The following WNT9A variants were observed in gnomAD, a reference collection of about 807,000 sequenced individuals.
WNT9A encodes Wnt family member 9A.
WNT9A carries 8 observed loss-of-function variants against 31.4 expected under a neutral mutation model. The ratio of observed to expected loss-of-function variants is 0.26; its 90% confidence interval spans 0.15 to 0.46. The LOEUF is 0.46. Ranked by LOEUF, WNT9A falls within the 20% of genes least tolerant of loss-of-function variation. The pLI is 0.99. For missense variants in WNT9A, 457 were observed against 522.9 expected (o/e 0.87, Z 1.23); for synonymous variants, 236 against 220.1 (o/e 1.07, Z -0.64).
chr1:227,947,743 G>GCCCCGCCGCCCCCGCCGC, intron 1 of WNT9A, 50 bp downstream of exon 1: 1 of 1,020,724 alleles, frequency 9.8e-7, no homozygotes, highest in South Asian at 4.5e-5. Context: ...CCCCGCCCCG[G>GCCCCGCCGCCCCCGCCGC]CCCCGCCGCC....
At chr1:227,946,588 C>A (rs1236314614) in intron 1 of WNT9A, among the ~76,000 whole-genome samples, 1 of 152,204 alleles carries the variant, frequency 6.6e-6, no homozygotes, top group Non-Finnish European at 1.5e-5. Flanking sequence ...ACTGAGACAC[C>A]GGGCTGACCC....
intron 1 of WNT9A, among the ~76,000 whole-genome samples, chr1:227,946,483 G>A (rs934135426): frequency 9.2e-5 from 14 of 152,216 alleles, no homozygotes; most frequent in African/African-American, 2.2e-4. Context: ...GAGGCTACGG[G>A]TTGCACAGAT....
At chr1:227,937,845 A>G (rs1171806587) in intron 1 of WNT9A, among the ~76,000 whole-genome samples, 1 of 152,232 alleles carries the variant, frequency 6.6e-6, no homozygotes. Context: ...AGCAGCACAG[A>G]TTTTGGAAAG....
At chr1:227,937,021 C>G (rs1444834538) in intron 1 of WNT9A, among the ~76,000 whole-genome samples, 1 of 152,202 alleles carries the variant, frequency 6.6e-6, no homozygotes, top group South Asian at 2.1e-4. Flanking sequence ...GACATCTTGC[C>G]GCCTCTCTGG....
chr1:227,946,410 CT>C (rs1191848024), intron 1 of WNT9A, among the ~76,000 whole-genome samples: 1 of 152,254 alleles, frequency 6.6e-6, no homozygotes, highest in Admixed American at 6.5e-5. Flanking sequence ...GGAAGCACAG[CT>C]GGCTGACAAG....
In WNT9A at chr1:227,921,337, C is replaced by A. The variant is rs1666308440; in HGVS notation, c.*181G>T. The A allele has an allele frequency of 7.2e-6, 7 of 971,382 alleles. No individual in the cohort carries two copies. The highest frequency in any genetic ancestry group is 8.9e-6 in the Non-Finnish European group (6 of 672,260). 60.2% of individuals were successfully genotyped at this position (971,382 alleles called of 1,614,324 possible). On this transcript the variant is annotated 3_prime_UTR_variant, in exon 4 of 4. Transcript: ENST00000272164. ...GAGCCCAGGGACTCACCCCACGCTG[C>A]TAGGTCTGAGCCCAGGGACTCAGCC...
At chr1:227,938,399 T>TCACA (rs148961829) in intron 1 of WNT9A, among the ~76,000 whole-genome samples, 17 of 129,600 alleles carry the variant, frequency 1.3e-4, no homozygotes, top group African/African-American at 4.4e-4. Flanking sequence ...ACAAACCCCC[T>TCACA]CACACACACA....
intron 1 of WNT9A, among the ~76,000 whole-genome samples, chr1:227,937,281 G>A (rs547103562): frequency 1.2e-4 from 18 of 152,212 alleles, no homozygotes; most frequent in Non-Finnish European, 1.5e-4. Context: ...CTGGGCTGCG[G>A]CTGTCTTTTC....
intron 1 of WNT9A, among the ~76,000 whole-genome samples, chr1:227,931,356 G>T (rs1431527326): frequency 6.6e-6 from 1 of 152,192 alleles, no homozygotes; most frequent in East Asian, 1.9e-4. Context: ...CTGAGTTTCA[G>T]TGCCTGTGTG....
At position 227,925,533 on chromosome 1, in the gene WNT9A, GGCCA is replaced by G. The variant is rs1666407373; in HGVS notation, c.96-18_96-15del. The G allele has an allele frequency of 6.6e-7, 1 of 1,514,422 alleles. No individual in the cohort carries two copies. Among genetic ancestry groups the G allele is most frequent in the Admixed American group, 2.0e-5 (1 of 50,100 alleles). 93.8% of individuals were successfully genotyped at this position (1,514,422 alleles called of 1,614,324 possible). On this transcript the variant is annotated splice_polypyrimidine_tract_variant and intron_variant, in intron 1 of 3. Coordinates refer to ENST00000272164, the MANE Select transcript of WNT9A (RefSeq NM_003395.4). The surrounding 1 kb of genome is among the most constrained non-coding windows in gnomAD (Gnocchi z 6.0). Reference sequence around the variant, plus strand: ...CTGCCCGTCAGCCTGGGCACAGAGAGGCCAGCATGAGCCCGGCCCCAGGAAGCCC... The same window carrying G: ...CTGCCCGTCAGCCTGGGCACAGAGAGGCATGAGCCCGGCCCCAGGAAGCCC...
Position 227,925,533 on chromosome 1 carries a change from G to C in WNT9A, c.96-14C>G, listed in dbSNP as rs1016358558. ...CTGCCCGTCAGCCTGGGCACAGAGA[G>C]GCCAGCATGAGCCCGGCCCCAGGAA... On this transcript the variant is annotated splice_polypyrimidine_tract_variant and intron_variant, in intron 1 of 3. Transcript: ENST00000272164. This position sits in a 1 kb window ranked among gnomAD's most constrained non-coding sequence, Gnocchi z 6.0. The C allele has an allele frequency of 1.3e-6, 2 of 1,514,422 alleles. No homozygotes were observed. The highest frequency in any genetic ancestry group is 2.8e-5 in the African/African-American group (2 of 72,342). The allele number at this position is 1,514,422 out of a possible 1,614,324, so 93.8% of individuals were successfully genotyped here.
At chr1:227,922,288 G>A (rs540157854) in intron 3 of WNT9A, among the ~76,000 whole-genome samples, 26 of 152,330 alleles carry the variant, frequency 1.7e-4, no homozygotes, top group African/African-American at 5.8e-4. Flanking sequence ...CCTGCCTGAT[G>A]TCCACCCTGC....
Position 227,925,253 on chromosome 1 carries a change from C to A in WNT9A, c.352+10G>T. ...GGGGCCTTCCTGAGGGCCAGGCCGG[C>A]CACACTCACCTCGCTTGAGCAGGCT... On this transcript the variant is annotated intron_variant, in intron 2 of 3. Transcript: ENST00000272164. The surrounding 1 kb of genome is among the most constrained non-coding windows in gnomAD (Gnocchi z 6.0). 1 of 1,537,576 alleles carries A rather than the reference C, an allele frequency of 6.5e-7. No individual in the cohort carries two copies. The highest frequency in any genetic ancestry group is 8.8e-7 in the Non-Finnish European group (1 of 1,139,212).
In WNT9A at chr1:227,930,674, G is replaced by A. The variant is rs140918675; in HGVS notation, c.96-5155C>T. ...GCATGAAGCCTGACGCCCAAACACC[G>A]TTTCCGGCCACAGAGGCGCCCTTTG... On this transcript the variant is annotated intron_variant, in intron 1 of 3. Coordinates refer to ENST00000272164, the MANE Select transcript of WNT9A (RefSeq NM_003395.4). 1.6e-3 allele frequency among the ~76,000 whole-genome samples: 248 copies of A among 152,314 alleles called. 2 individuals carry two copies. In the East Asian group the frequency reaches 0.038, roughly 23 times the overall value.
intron 1 of WNT9A, among the ~76,000 whole-genome samples, chr1:227,934,668 G>C (rs540014962): frequency 6.6e-6 from 1 of 152,210 alleles, no homozygotes; most frequent in Non-Finnish European, 1.5e-5. Context: ...GTGCGTTCTA[G>C]TTTCTCTCCT....
At position 227,921,489 on chromosome 1, in the gene WNT9A, G is replaced by A. The variant is rs1363815114; in HGVS notation, c.*29C>T. 4.4e-6 allele frequency: 7 copies of A among 1,589,666 alleles called. No individual in the cohort carries two copies. The highest frequency in any genetic ancestry group is 1.7e-4 in the Middle Eastern group (1 of 5,984). On this transcript the variant is annotated 3_prime_UTR_variant, in exon 4 of 4. Transcript: ENST00000272164. Reference sequence around the variant, plus strand: ...ACACCGTGTGCAATGCCTGCACCCTGTGCAGCAGGGCTGGCAGGGCCTGGG... The same window carrying A: ...ACACCGTGTGCAATGCCTGCACCCTATGCAGCAGGGCTGGCAGGGCCTGGG...
chr1:227,936,581 C>G (rs1260965314), intron 1 of WNT9A, among the ~76,000 whole-genome samples: 1 of 151,096 alleles, frequency 6.6e-6, no homozygotes, highest in Non-Finnish European at 1.5e-5. Flanking sequence ...GTGATCCACC[C>G]ACCGCAGCCT....
intron 1 of WNT9A, among the ~76,000 whole-genome samples, chr1:227,930,386 A>T (rs185097895): frequency 2.0e-4 from 30 of 152,294 alleles, no homozygotes; most frequent in Admixed American, 1.4e-3. Flanking sequence ...TTCCCCATAC[A>T]GCTGTGAGTT....
chr1:227,947,345 T>A (rs1488598044), intron 1 of WNT9A, among the ~76,000 whole-genome samples: 1 of 152,046 alleles, frequency 6.6e-6, no homozygotes, highest in African/African-American at 2.4e-5. Flanking sequence ...GCGAGGAACA[T>A]CTGGATTTTG....
Sources: gnomAD v4.1 joint callset for allele counts (sites outside exome capture counted in the v4.1 genomes callset) on GRCh38, gnomAD v4.1.1 for gene constraint, Gnocchi (gnomAD v3.1) non-coding constraint, MANE v1.5 for transcripts, NCBI Gene and HGNC (gene_info 2026-07-23, HGNC 2026-07-21) for gene names.